Variants in TMEM266 observed in about 807,000 individuals in gnomAD.
TMEM266 encodes Hv1 related protein 1.
A neutral mutation model predicts 50.5 loss-of-function variants in TMEM266; 33 were observed. The ratio of observed to expected loss-of-function variants is 0.65; its 90% CI spans 0.50 to 0.87. TMEM266 has a LOEUF of 0.87. Among genes scored for constraint, TMEM266 ranks in the 40% least tolerant of loss-of-function variants. The pLI is 0.00. For missense variants in TMEM266, 655 were observed against 695.1 expected, an observed-to-expected ratio of 0.94 and a Z score of 0.65; for synonymous variants, 310 against 292.3, an observed-to-expected ratio of 1.06 and a Z score of -0.62.
At chr15:76,150,727 T>C (rs1263675341) in intron 3 of TMEM266, among the ~76,000 whole-genome samples, 1 of 152,212 alleles carries the variant, frequency 6.6e-6, no homozygotes, top group Non-Finnish European at 1.5e-5. Flanking sequence ...CTACTTCCCC[T>C]TCCAGATTGG....
At position 76,150,115 on chromosome 15, in the gene TMEM266, G is replaced by A. The variant is rs74593924; in HGVS notation, c.228-6489G>A. On this transcript the variant is annotated intron_variant, in intron 3 of 10. Transcript: ENST00000388942. Reference sequence around the variant, plus strand: ...GAGCCTGGGTATCCTTAGATTATCCGTCAGTGAGATTCAAGGAGTCCGTGC... The same window carrying A: ...GAGCCTGGGTATCCTTAGATTATCCATCAGTGAGATTCAAGGAGTCCGTGC... Among the ~76,000 whole-genome samples the A allele has an allele frequency of 2.3e-3, 352 of 152,264 alleles. 1 individual carries two copies. The highest frequency in any genetic ancestry group is 6.2e-3 in the South Asian group (30 of 4,822).
At position 76,203,791 on chromosome 15, in the gene TMEM266, G is replaced by C. The variant is rs2038788453; in HGVS notation, c.1072G>C (p.Asp358His). The change falls in exon 11 of 11, where the codon GAC (aspartate) becomes CAC (histidine). Residue 358 changes from aspartate (D) to histidine (H), a missense_variant. By Grantham distance (81) the Asp-to-His change is moderately conservative (BLOSUM62 -1). This residue lies in a region of TMEM266 where 455 missense variants were observed against 401.8 expected (regional missense o/e 1.13). Transcript: ENST00000388942. ...GTGTATGGTCACCACGGCCGCAATA[G>C]ACATTCACCAGCCCAACATCTCCTC... 1 of 1,614,064 alleles carries C rather than the reference G, an allele frequency of 6.2e-7. No individual in the cohort carries two copies. Among genetic ancestry groups the C allele is most frequent in the Non-Finnish European group, 8.5e-7 (1 of 1,180,030 alleles).
At chr15:76,063,907 C>G (rs373819258) in intron 1 of TMEM266, among the ~76,000 whole-genome samples, 1 of 152,058 alleles carries the variant, frequency 6.6e-6, no homozygotes, top group Non-Finnish European at 1.5e-5. Context: ...AGAGAAGAAT[C>G]GGGAAAGATC....
Position 76,167,638 on chromosome 15 carries a change from A to G in TMEM266, c.457-2178A>G, listed in dbSNP as rs370669921. 2.6e-5 allele frequency among the ~76,000 whole-genome samples: 4 copies of G among 151,810 alleles called. No homozygotes were observed. In the East Asian group the frequency reaches 5.9e-4, roughly 22 times the overall value. ...TGCCTCAGCCTTCTGAGTAGCTGGGATTACAGGTGTGCACCACCACACCCG... is the reference window on the plus strand; with the variant it reads ...TGCCTCAGCCTTCTGAGTAGCTGGGGTTACAGGTGTGCACCACCACACCCG... On this transcript the variant is annotated intron_variant, in intron 5 of 10. Coordinates refer to ENST00000388942, the MANE Select transcript of TMEM266 (RefSeq NM_152335.3).
At chr15:76,082,039 G>A (rs543823292) in intron 1 of TMEM266, among the ~76,000 whole-genome samples, 96 of 152,168 alleles carry the variant, frequency 6.3e-4, no homozygotes, top group African/African-American at 2.2e-3. Context: ...TGTCAGAACC[G>A]TATTTCCATG....
In TMEM266 at chr15:76,203,516, C is replaced by G. The variant is rs554145357; in HGVS notation, c.1022-225C>G. Among the ~76,000 whole-genome samples, 4 of 152,322 alleles carry G rather than the reference C, an allele frequency of 2.6e-5. No individual in the cohort carries two copies. In the East Asian group the frequency reaches 7.7e-4, roughly 29 times the overall value. On this transcript the variant is annotated intron_variant, in intron 10 of 10. Coordinates refer to ENST00000388942, the MANE Select transcript of TMEM266 (RefSeq NM_152335.3). ...GGGTAACTGGCCAAAGCGTGTCACA[C>G]GCCTACACTTGAGTTTAACAAGATG... is the stretch of plus-strand genomic sequence containing the variant.
At chr15:76,158,534 C>T (rs1179174641) in intron 4 of TMEM266, among the ~76,000 whole-genome samples, 2 of 152,158 alleles carry the variant, frequency 1.3e-5, no homozygotes, top group Non-Finnish European at 2.9e-5. Flanking sequence ...CCAGCCGACA[C>T]TGGAATTTTG....
intron 3 of TMEM266, among the ~76,000 whole-genome samples, chr15:76,145,437 G>C (rs1354663700): frequency 2.0e-5 from 3 of 152,186 alleles, no homozygotes; most frequent in African/African-American, 7.2e-5. Flanking sequence ...GCAGGTGAGA[G>C]TGGCTGCCCA....
chr15:76,061,166 A>C (rs192143025), intron 1 of TMEM266, among the ~76,000 whole-genome samples: 1 of 152,212 alleles, frequency 6.6e-6, no homozygotes, highest in East Asian at 1.9e-4. Context: ...AGAAGCAAAA[A>C]ATGAAAATGG....
intron 3 of TMEM266, among the ~76,000 whole-genome samples, chr15:76,148,123 G>A (rs1174159248): frequency 6.6e-6 from 1 of 152,244 alleles, no homozygotes; most frequent in African/African-American, 2.4e-5. Context: ...CGACCACCTG[G>A]GTCGGGGGTG....
intron 8 of TMEM266, chr15:76,191,531 G>GACAC (rs1194840848): frequency 1.3e-5 from 2 of 154,240 alleles, no homozygotes; most frequent in Admixed American, 1.3e-4. Context: ...GGTCCCCCAG[G>GACAC]CTGGGACGGG....
intron 1 of TMEM266, among the ~76,000 whole-genome samples, chr15:76,091,246 T>A (rs1178411648): frequency 6.6e-6 from 1 of 151,994 alleles, no homozygotes; most frequent in Non-Finnish European, 1.5e-5. Flanking sequence ...CTATATAATT[T>A]TACTGAAAAA....
intron 3 of TMEM266, among the ~76,000 whole-genome samples, chr15:76,154,371 G>A (rs1039662218): frequency 6.6e-6 from 1 of 152,062 alleles, no homozygotes; most frequent in Non-Finnish European, 1.5e-5. Context: ...TTGGTGATTG[G>A]CCCCTGTGTG....
At chr15:76,099,968 C>T (rs1466619126) in intron 1 of TMEM266, among the ~76,000 whole-genome samples, 2 of 152,108 alleles carry the variant, frequency 1.3e-5, no homozygotes, top group Non-Finnish European at 2.9e-5. Flanking sequence ...CAAATTTAAA[C>T]CGTTAGATCT....
At chr15:76,068,968 T>C (rs1226963836) in intron 1 of TMEM266, among the ~76,000 whole-genome samples, 8 of 152,188 alleles carry the variant, frequency 5.3e-5, no homozygotes, top group Admixed American at 5.2e-4. Flanking sequence ...GTGTACATTC[T>C]CCTTCCCACA....
rs756021527 is a variant in TMEM266 at position 76,171,113 on chromosome 15, G to A, written c.634G>A (p.Val212Met). The A allele has an allele frequency of 6.2e-7, 1 of 1,613,838 alleles. No individual in the cohort carries two copies. The highest frequency in any genetic ancestry group is 1.1e-5 in the South Asian group (1 of 90,988). ...WRVKRVIDAY[V>M]LPVKLEMEMV... is the part of the protein sequence containing the mutation. Reference sequence around the variant, plus strand: ...CATCATCATGCTCCGGATCTGGAGGGTGAAGAGGGTCATTGATGGTGAGTG... The same window carrying A: ...CATCATCATGCTCCGGATCTGGAGGATGAAGAGGGTCATTGATGGTGAGTG... The change falls in exon 7 of 11, where the codon GTG becomes ATG. Residue 212 changes from valine (V) to methionine (M), a missense_variant. This residue lies in a region of TMEM266 where 101 missense variants were observed against 182.6 expected (regional missense o/e 0.55). Coordinates refer to ENST00000388942, the MANE Select transcript of TMEM266 (RefSeq NM_152335.3).
intron 5 of TMEM266, among the ~76,000 whole-genome samples, chr15:76,164,167 A>T (rs2038058819): frequency 1.3e-5 from 2 of 151,980 alleles, no homozygotes; most frequent in Admixed American, 6.6e-5. Context: ...TGCGGCTTTT[A>T]GCATGTTTTC....
At chr15:76,170,589 C>T (rs970350523) in intron 6 of TMEM266, among the ~76,000 whole-genome samples, 10 of 152,140 alleles carry the variant, frequency 6.6e-5, no homozygotes, top group African/African-American at 2.2e-4. Context: ...AGCTGAGATG[C>T]GGGTTCCGGG....
intron 9 of TMEM266, among the ~76,000 whole-genome samples, chr15:76,195,481 C>T (rs1195777612): frequency 6.6e-6 from 1 of 152,204 alleles, no homozygotes; most frequent in Non-Finnish European, 1.5e-5. Flanking sequence ...CCTTCTTATT[C>T]TTTTTGAAAG....
Sources: gnomAD v4.1 joint callset for allele counts (sites outside exome capture counted in the v4.1 genomes callset) on GRCh38, gnomAD v4.1.1 for gene constraint, gnomAD v4.1.1 regional missense constraint, MANE v1.5 for transcripts, NCBI Gene and HGNC (gene_info 2026-07-23, HGNC 2026-07-21) for gene names.